Variants in CCSER1 observed in about 807,000 individuals in gnomAD.
CCSER1 encodes coiled-coil serine rich protein 1.
A neutral mutation model predicts 82.0 loss-of-function variants in CCSER1; 41 were observed. The ratio of observed to expected loss-of-function variants is 0.50; its 90% CI spans 0.39 to 0.65. The LOEUF is 0.65. CCSER1 is among the 30% of genes least tolerant of loss of function. CCSER1 has a pLI of 0.00. For synonymous variants in CCSER1, 414 were observed against 383.9 expected (o/e 1.08, Z -0.92); for missense variants, 1,119 against 1,064.2 (o/e 1.05, Z -0.72).
chr4:91,443,266 A>G (rs1222069855), intron 10 of CCSER1, among the ~76,000 whole-genome samples: 43 of 152,250 alleles, frequency 2.8e-4, no homozygotes, highest in Non-Finnish European at 4.0e-4. Flanking sequence ...AATGTGGCAC[A>G]TATACACCAT....
chr4:90,611,212 TAAC>T (rs2148822660), intron 5 of CCSER1, among the ~76,000 whole-genome samples: 1 of 152,064 alleles, frequency 6.6e-6, no homozygotes, highest in South Asian at 2.1e-4. Context: ...TTCATATTCT[TAAC>T]AAGCAAATGA....
chr4:90,848,936 G>C (rs1217828489), intron 8 of CCSER1, among the ~76,000 whole-genome samples: 3 of 152,214 alleles, frequency 2.0e-5, no homozygotes, highest in Non-Finnish European at 4.4e-5. Context: ...CTTCTGCCAT[G>C]TTTGTAAGTT....
At chr4:91,341,266 G>A (rs753932974) in intron 10 of CCSER1, among the ~76,000 whole-genome samples, 10 of 152,120 alleles carry the variant, frequency 6.6e-5, no homozygotes, top group Non-Finnish European at 1.5e-4. Context: ...GGGCACCATA[G>A]AGAATGGAAA....
At chr4:90,372,309 G>A (rs562666086) in intron 3 of CCSER1, among the ~76,000 whole-genome samples, 2 of 152,252 alleles carry the variant, frequency 1.3e-5, no homozygotes, top group Admixed American at 1.3e-4. Flanking sequence ...ACCAATAAGA[G>A]AAAGTTTAAA....
intron 10 of CCSER1, among the ~76,000 whole-genome samples, chr4:91,091,216 G>T (rs1462919516): frequency 6.6e-6 from 1 of 152,066 alleles, no homozygotes; most frequent in African/African-American, 2.4e-5. Context: ...TTTTTCTTCT[G>T]TTCTGGCTAA....
chr4:90,421,020 A>G (rs757138614), intron 4 of CCSER1, among the ~76,000 whole-genome samples: 1 of 152,290 alleles, frequency 6.6e-6, no homozygotes, highest in Admixed American at 6.5e-5. Context: ...TAATTAAGAA[A>G]GCAAACGCTG....
At chr4:90,286,011 T>C (rs1729824053) in intron 1 of CCSER1, among the ~76,000 whole-genome samples, 1 of 152,062 alleles carries the variant, frequency 6.6e-6, no homozygotes, top group South Asian at 2.1e-4. Flanking sequence ...AATGATCTAT[T>C]TAATGTGTTC....
At chr4:90,317,398 G>T (rs1736356548) in intron 3 of CCSER1, among the ~76,000 whole-genome samples, 1 of 152,012 alleles carries the variant, frequency 6.6e-6, no homozygotes, top group Non-Finnish European at 1.5e-5. Context: ...GATCACTTGA[G>T]GTCAGGAGTT....
At chr4:91,478,511 C>T (rs532288846) in intron 10 of CCSER1, among the ~76,000 whole-genome samples, 10 of 151,884 alleles carry the variant, frequency 6.6e-5, no homozygotes, top group East Asian at 1.9e-4. Flanking sequence ...ATGAAAAAAT[C>T]GTAACAGTCT....
intron 10 of CCSER1, among the ~76,000 whole-genome samples, chr4:91,094,598 AC>A (rs1428891697): frequency 1.3e-5 from 2 of 152,078 alleles, no homozygotes; most frequent in African/African-American, 2.4e-5. Flanking sequence ...TGTAAGATGA[AC>A]CTGTATTCCT....
intron 10 of CCSER1, among the ~76,000 whole-genome samples, chr4:91,353,690 A>G (rs1748635665): frequency 6.6e-6 from 1 of 152,058 alleles, no homozygotes; most frequent in Non-Finnish European, 1.5e-5. Flanking sequence ...ATTGATAGTG[A>G]TTTATATAGT....
intron 1 of CCSER1, among the ~76,000 whole-genome samples, chr4:90,147,267 AT>A (rs1255385784): frequency 6.6e-6 from 1 of 151,260 alleles, no homozygotes; most frequent in African/African-American, 2.4e-5. Flanking sequence ...ACCCTATGAG[AT>A]AGGTTTTTAA....
At chr4:91,513,457 C>T (rs1759933865) in intron 10 of CCSER1, among the ~76,000 whole-genome samples, 2 of 152,114 alleles carry the variant, frequency 1.3e-5, no homozygotes, top group Non-Finnish European at 1.5e-5. Context: ...GTTTTGATAT[C>T]ATAGTGATGC....
At chr4:91,218,014 G>GC (rs1275475936) in intron 10 of CCSER1, among the ~76,000 whole-genome samples, 1 of 152,226 alleles carries the variant, frequency 6.6e-6, no homozygotes, top group African/African-American at 2.4e-5. Context: ...GCGCCGTGGA[G>GC]CAGGGGGTGG....
intron 10 of CCSER1, among the ~76,000 whole-genome samples, chr4:91,434,687 C>T (rs1234388648): frequency 1.3e-5 from 2 of 152,070 alleles, no homozygotes; most frequent in Non-Finnish European, 2.9e-5. Flanking sequence ...AAATATTTCT[C>T]AATAGCAGTT....
chr4:90,327,174 T>C (rs1430222862), intron 3 of CCSER1, among the ~76,000 whole-genome samples: 1 of 152,292 alleles, frequency 6.6e-6, no homozygotes, highest in African/African-American at 2.4e-5. Context: ...GATCACAGGC[T>C]AGCTGCTTAA....
intron 9 of CCSER1, among the ~76,000 whole-genome samples, chr4:91,032,661 G>A (rs1253695301): frequency 6.6e-6 from 1 of 152,130 alleles, no homozygotes; most frequent in Non-Finnish European, 1.5e-5. Context: ...CAGGAAATAG[G>A]GAGATACTGA....
At chr4:90,929,734 G>A (rs914234134) in intron 9 of CCSER1, among the ~76,000 whole-genome samples, 1 of 152,162 alleles carries the variant, frequency 6.6e-6, no homozygotes, top group African/African-American at 2.4e-5. Flanking sequence ...ACACGAGGAT[G>A]GGGAGAGAAT....
chr4:90,464,775 T>A (rs1578605739), intron 4 of CCSER1, among the ~76,000 whole-genome samples: 2 of 152,238 alleles, frequency 1.3e-5, no homozygotes, highest in Admixed American at 1.3e-4. Flanking sequence ...CTTGACACTG[T>A]CTCATGTTTT....
Sources: gnomAD v4.1 joint callset for allele counts (sites outside exome capture counted in the v4.1 genomes callset) on GRCh38, gnomAD v4.1.1 for gene constraint, MANE v1.5 for transcripts, NCBI Gene and HGNC (gene_info 2026-07-23, HGNC 2026-07-21) for gene names.